CRYBG3: variants seen among roughly 807,000 people sequenced by gnomAD.
CRYBG3 encodes crystallin beta-gamma domain containing 3.
A neutral mutation model predicts 244.2 loss-of-function variants in CRYBG3; 127 were observed. The ratio of observed to expected loss-of-function variants is 0.52; its 90% CI spans 0.45 to 0.60. The LOEUF (loss-of-function observed/expected upper bound fraction) is 0.60. Among genes scored for constraint, CRYBG3 ranks in the 20% least tolerant of loss-of-function variants. The pLI, the probability that CRYBG3 is intolerant of heterozygous loss-of-function variation, is 0.00. For synonymous variants in CRYBG3, 1,132 were observed against 1,195.8 expected (o/e 0.95, Z 1.10); for missense variants, 3,325 against 3,442.5 (o/e 0.97, Z 0.85).
intron 7 of CRYBG3, among the ~76,000 whole-genome samples, chr3:97,881,851 A>G (rs1210407690): frequency 6.6e-6 from 1 of 152,160 alleles, no homozygotes; most frequent in African/African-American, 2.4e-5. Context: ...ACACTATACT[A>G]TAATAGTATA....
rs540612033 is a variant in CRYBG3, at chr3:97,943,613, C to A, written c.*299C>A. The A allele has an allele frequency of 3.1e-6, 1 of 323,478 alleles. No individual in the cohort carries two copies. Among genetic ancestry groups the A allele is most frequent in the South Asian group, 3.8e-5 (1 of 26,582 alleles). The allele number at this position is 323,478 out of a possible 1,614,324, so 20.0% of individuals were successfully genotyped here. Reference sequence around the variant, plus strand: ...AGTGTTTATTTTCTCTCATATCCACCAAACGTGAATCCTGTTCCTGATGGC... The same window carrying A: ...AGTGTTTATTTTCTCTCATATCCACAAAACGTGAATCCTGTTCCTGATGGC... On this transcript the variant is annotated 3_prime_UTR_variant, in exon 22 of 22. Coordinates refer to ENST00000389622, the MANE Select transcript of CRYBG3 (RefSeq NM_153605.4).
intron 1 of CRYBG3, chr3:97,837,127 A>G (rs2038745654): frequency 6.6e-6 from 1 of 152,196 alleles, no homozygotes; most frequent in Middle Eastern, 3.2e-3. Flanking sequence ...AAAGCATTTT[A>G]CTACTTATGA....
chr3:97,925,428 G>A (rs1181753694), intron 17 of CRYBG3, among the ~76,000 whole-genome samples: 1 of 151,990 alleles, frequency 6.6e-6, no homozygotes, highest in Non-Finnish European at 1.5e-5. Context: ...CAATGGTGGG[G>A]GGAATAAGAA....
intron 15 of CRYBG3, among the ~76,000 whole-genome samples, chr3:97,903,996 C>T (rs546052581): frequency 3.0e-4 from 46 of 152,260 alleles, no homozygotes; most frequent in African/African-American, 1.1e-3. Flanking sequence ...TGTCAATTTG[C>T]CTCGGTTTTA....
At chr3:97,848,857 AACCCTGTGTATAAATAGATTACAGC>A (rs2038941823) in intron 2 of CRYBG3, among the ~76,000 whole-genome samples, 1 of 152,228 alleles carries the variant, frequency 6.6e-6, no homozygotes, top group African/African-American at 2.4e-5. Flanking sequence ...TTGTACCTGC[AACCCTGTGTATAAATAGATTACAGC>A]ACAGTTTTCC....
intron 17 of CRYBG3, among the ~76,000 whole-genome samples, chr3:97,916,113 C>T (rs1258687189): frequency 6.6e-6 from 1 of 152,092 alleles, no homozygotes; most frequent in Non-Finnish European, 1.5e-5. Flanking sequence ...TGAGATGATG[C>T]TTATAAAGTG....
rs1003051511 is a variant in CRYBG3 at position 97,887,902 on chromosome 3, A to G, written c.7290-439A>G. On this transcript the variant is annotated intron_variant, in intron 8 of 21. Transcript: ENST00000389622. ...CAATTGCAAATACTGTTCCTTAGGC[A>G]GCCAATAGAACTGATATTGATTCTG... Among the ~76,000 whole-genome samples, 32 of 152,358 alleles carry G rather than the reference A, an allele frequency of 2.1e-4. 1 individual carries two copies. The highest frequency in any genetic ancestry group is 2.1e-4 in the South Asian group (1 of 4,828).
At chr3:97,858,043 T>G (rs530093496) in intron 2 of CRYBG3, among the ~76,000 whole-genome samples, 19 of 152,186 alleles carry the variant, frequency 1.2e-4, no homozygotes, top group Middle Eastern at 3.4e-3. Flanking sequence ...TGGGGCACCC[T>G]TAAGCATTTC....
intron 1 of CRYBG3, among the ~76,000 whole-genome samples, chr3:97,824,117 A>G (rs1296136514): frequency 6.6e-6 from 1 of 152,202 alleles, no homozygotes; most frequent in African/African-American, 2.4e-5. Context: ...TTACTGTTTT[A>G]AATGAGCTTA....
chr3:97,898,929 G>C lies in CRYBG3; in HGVS notation c.7748G>C (p.Ser2583Thr). 1 of 1,609,614 alleles carries C rather than the reference G, an allele frequency of 6.2e-7. No homozygotes were observed. The highest frequency in any genetic ancestry group is 8.5e-7 in the Non-Finnish European group (1 of 1,177,228). Residue 2583 changes from serine (S) to threonine (T), a missense_variant, in exon 13 of 22, where the codon AGT becomes ACT. Coordinates refer to ENST00000389622, the MANE Select transcript of CRYBG3 (RefSeq NM_153605.4). ...ACACTATTTGAATCTGACCTAGAAA[G>C]TGGGAAGTTTATTGACATTACAAAT... ...SVTLFESDLE[S>T]GKFIDITNQE...
intron 17 of CRYBG3, among the ~76,000 whole-genome samples, chr3:97,919,452 G>C (rs1221991543): frequency 6.6e-6 from 1 of 152,052 alleles, no homozygotes; most frequent in Non-Finnish European, 1.5e-5. Context: ...TATATATCTG[G>C]AAAAATTACA....
In CRYBG3 at chr3:97,896,692, G is replaced by T. The variant is rs919632949; in HGVS notation, c.7701+607G>T. Among the ~76,000 whole-genome samples the T allele has an allele frequency of 2.0e-5, 3 of 152,304 alleles. No individual in the cohort carries two copies. In the East Asian group the frequency reaches 5.8e-4, roughly 29 times the overall value. On this transcript the variant is annotated intron_variant, in intron 12 of 21. Coordinates refer to ENST00000389622, the MANE Select transcript of CRYBG3 (RefSeq NM_153605.4). ...GATTTTACCCCTTAGGGGGCCTTTG[G>T]CAGTGTCTGGAGACATTTTGGATTG...
intron 19 of CRYBG3, among the ~76,000 whole-genome samples, chr3:97,937,891 AT>A (rs1220207036): frequency 6.6e-6 from 1 of 152,112 alleles, no homozygotes; most frequent in Non-Finnish European, 1.5e-5. Flanking sequence ...TAAAGCTTAC[AT>A]TTTTGTTGGG....
At chr3:97,910,801 A>G (rs895918189) in intron 15 of CRYBG3, among the ~76,000 whole-genome samples, 7 of 152,184 alleles carry the variant, frequency 4.6e-5, no homozygotes, top group African/African-American at 7.2e-5. Flanking sequence ...AGATATTTCT[A>G]TGCAGGAGAA....
At chr3:97,904,867 T>TCCA (rs2039749864) in intron 15 of CRYBG3, among the ~76,000 whole-genome samples, 1 of 150,662 alleles carries the variant, frequency 6.6e-6, no homozygotes, top group South Asian at 2.1e-4. Context: ...TAGGTATATC[T>TCCA]CCCAATGCTA....
intron 7 of CRYBG3, among the ~76,000 whole-genome samples, chr3:97,882,926 G>A (rs2039467464): frequency 1.3e-5 from 2 of 152,100 alleles, no homozygotes; most frequent in African/African-American, 2.4e-5. Context: ...GTGTGCACAG[G>A]GAATAGAAAT....
chr3:97,830,255 G>A (rs921041173), intron 1 of CRYBG3, among the ~76,000 whole-genome samples: 1 of 152,120 alleles, frequency 6.6e-6, no homozygotes, highest in Non-Finnish European at 1.5e-5. Flanking sequence ...CTTCTAGGAT[G>A]CACAAATACA....
intron 20 of CRYBG3, 136 bp from the exon 21 acceptor site, chr3:97,942,148 A>G (rs978581726): frequency 1.6e-6 from 1 of 621,098 alleles, no homozygotes. Context: ...CTGAAATTAT[A>G]CTATATAGTA....
chr3:97,942,467 GT>G, intron 21 of CRYBG3, 24 bp downstream of exon 21: 1 of 1,585,878 alleles, frequency 6.3e-7, no homozygotes, highest in Non-Finnish European at 8.6e-7. Flanking sequence ...GATACCCAAT[GT>G]TGTGTCCCTG....
Sources: gnomAD v4.1 joint callset for allele counts (sites outside exome capture counted in the v4.1 genomes callset) on GRCh38, gnomAD v4.1.1 for gene constraint, MANE v1.5 for transcripts, NCBI Gene and HGNC (gene_info 2026-07-23, HGNC 2026-07-21) for gene names.